Variants in PGM5 observed in about 807,000 individuals in gnomAD.
The protein encoded by PGM5 is phosphoglucomutase-like protein 5.
In PGM5, 23 loss-of-function variants were observed where a neutral mutation model predicts 59.2. The observed-to-expected ratio is 0.39, with a 90% CI of 0.28 to 0.55. The LOEUF is 0.55. Among genes scored for constraint, PGM5 ranks in the 20% least tolerant of loss-of-function variants. PGM5 has a pLI of 0.66. For synonymous variants in PGM5, 214 were observed against 286.0 expected (o/e 0.75, Z 2.54); for missense variants, 574 against 748.3 (o/e 0.77, Z 2.72).
intron 10 of PGM5, among the ~76,000 whole-genome samples, chr9:68,501,639 A>G (rs745899043): frequency 2.7e-4 from 41 of 152,226 alleles, no homozygotes; most frequent in Non-Finnish European, 5.4e-4. Flanking sequence ...TCAGCTACCA[A>G]AAGAACCCCT....
At chr9:68,359,521 C>T (rs1371589614) in intron 1 of PGM5, among the ~76,000 whole-genome samples, 1 of 152,130 alleles carries the variant, frequency 6.6e-6, no homozygotes, top group Non-Finnish European at 1.5e-5. Context: ...AGCCATAAGG[C>T]TGGCTTCAGG....
At chr9:68,448,427 C>A (rs967693811) in intron 6 of PGM5, among the ~76,000 whole-genome samples, 2 of 152,158 alleles carry the variant, frequency 1.3e-5, no homozygotes, top group East Asian at 3.9e-4. Context: ...CACTTAGAGG[C>A]TTCCACCCAG....
chr9:68,496,116 C>A (rs1824478763), intron 9 of PGM5, among the ~76,000 whole-genome samples: 1 of 152,128 alleles, frequency 6.6e-6, no homozygotes, highest in African/African-American at 2.4e-5. Context: ...CCTAGTATAA[C>A]CTAAAAAATA....
At chr9:68,457,016 C>A (rs1554684944) in intron 6 of PGM5, among the ~76,000 whole-genome samples, 1 of 152,088 alleles carries the variant, frequency 6.6e-6, no homozygotes. Context: ...TATATATTTT[C>A]ATATTGGCCA....
chr9:68,473,619 A>G (rs1824056542), intron 7 of PGM5, among the ~76,000 whole-genome samples: 1 of 152,212 alleles, frequency 6.6e-6, no homozygotes, highest in Non-Finnish European at 1.5e-5. Flanking sequence ...CTTTCTTCTT[A>G]GAATGGAATT....
chr9:68,521,855 T>C (rs1302218820), intron 10 of PGM5, among the ~76,000 whole-genome samples: 2 of 152,206 alleles, frequency 1.3e-5, no homozygotes, highest in Non-Finnish European at 2.9e-5. Context: ...GCTCAGAGAT[T>C]GTGCCTAAAG....
intron 7 of PGM5, among the ~76,000 whole-genome samples, chr9:68,468,433 A>G (rs564270512): frequency 6.6e-6 from 1 of 152,336 alleles, no homozygotes; most frequent in East Asian, 1.9e-4. Context: ...AGCATTTATT[A>G]AGTGTTTACA....
intron 2 of PGM5, among the ~76,000 whole-genome samples, chr9:68,380,073 C>G (rs1455916443): frequency 1.3e-5 from 2 of 151,704 alleles, no homozygotes; most frequent in Non-Finnish European, 2.9e-5. Context: ...CAAGACAACA[C>G]TAAATTTGAA....
At chr9:68,483,339 T>G (rs1295406443) in intron 8 of PGM5, among the ~76,000 whole-genome samples, 1 of 152,146 alleles carries the variant, frequency 6.6e-6, no homozygotes, top group Non-Finnish European at 1.5e-5. Flanking sequence ...GAAGGTCACA[T>G]TCTAATGGTG....
chr9:68,523,158 G>A (rs1824923357), intron 10 of PGM5, among the ~76,000 whole-genome samples: 1 of 152,236 alleles, frequency 6.6e-6, no homozygotes, highest in Non-Finnish European at 1.5e-5. Context: ...CTGTAGGTCA[G>A]ACAGCCACTT....
chr9:68,393,786 AT>A (rs1205651518), intron 6 of PGM5: 3 of 152,152 alleles, frequency 2.0e-5, no homozygotes, highest in Admixed American at 1.3e-4. Flanking sequence ...AATAATGGAG[AT>A]GTGTCCACAA....
At position 68,391,523 on chromosome 9, in the gene PGM5, T is replaced by A; in HGVS notation, c.698-11T>A. 1 of 1,612,840 alleles carries A rather than the reference T, an allele frequency of 6.2e-7. No individual in the cohort carries two copies. The highest frequency in any genetic ancestry group is 8.5e-7 in the Non-Finnish European group (1 of 1,179,404). On this transcript the variant is annotated splice_polypyrimidine_tract_variant and intron_variant, in intron 4 of 10. Coordinates refer to ENST00000396396, the MANE Select transcript of PGM5 (RefSeq NM_021965.4). ...TGCAAATATTTAATATTGCTGTGTA[T>A]CTATTTTTAGTTATGGGACCTTATG...
intron 10 of PGM5, among the ~76,000 whole-genome samples, chr9:68,506,221 C>T (rs976158443): frequency 5.3e-5 from 8 of 152,216 alleles, no homozygotes; most frequent in African/African-American, 1.9e-4. Context: ...GTAGCTGAGT[C>T]TCAGCCAATC....
At chr9:68,463,480 A>G (rs1191749856) in intron 6 of PGM5, among the ~76,000 whole-genome samples, 1 of 152,166 alleles carries the variant, frequency 6.6e-6, no homozygotes, top group African/African-American at 2.4e-5. Context: ...TTCATGAAGC[A>G]CTAAGACATT....
chr9:68,455,854 T>G (rs529109436), intron 6 of PGM5, among the ~76,000 whole-genome samples: 1 of 152,334 alleles, frequency 6.6e-6, no homozygotes, highest in South Asian at 2.1e-4. Context: ...GAAGAAACAG[T>G]AATTGGAATA....
chr9:68,395,438 C>G (rs1347100077), intron 6 of PGM5, among the ~76,000 whole-genome samples: 1 of 152,074 alleles, frequency 6.6e-6, no homozygotes, highest in African/African-American at 2.4e-5. Flanking sequence ...AGGTCCCCTG[C>G]ATTTTATTTC....
intron 9 of PGM5, among the ~76,000 whole-genome samples, chr9:68,487,004 T>A (rs1013600074): frequency 2.0e-5 from 3 of 152,226 alleles, no homozygotes; most frequent in Non-Finnish European, 4.4e-5. Flanking sequence ...GGATTATTTT[T>A]AAATTAAGAT....
intron 6 of PGM5, among the ~76,000 whole-genome samples, chr9:68,461,219 G>A (rs1823854306): frequency 6.6e-6 from 1 of 151,850 alleles, no homozygotes; most frequent in Non-Finnish European, 1.5e-5. Flanking sequence ...AAGATTGCTG[G>A]GCTTGTCCAC....
At chr9:68,515,377 G>A (rs998319564) in intron 10 of PGM5, among the ~76,000 whole-genome samples, 41 of 152,154 alleles carry the variant, frequency 2.7e-4, no homozygotes, top group African/African-American at 9.7e-4. Context: ...GACTCAGGTG[G>A]CCCTCACGGC....
Sources: allele counts gnomAD v4.1 joint callset (sites outside exome capture counted in the v4.1 genomes callset), GRCh38; gene constraint gnomAD v4.1.1; transcripts MANE v1.5; gene names NCBI Gene and HGNC (gene_info 2026-07-23, HGNC 2026-07-21).